The following XPNPEP2 variants were observed in gnomAD, a reference collection of about 807,000 sequenced individuals.
XPNPEP2 encodes xaa-Pro aminopeptidase 2.
In XPNPEP2, 64 loss-of-function variants were observed where a neutral mutation model predicts 59.8. The ratio of observed to expected loss-of-function variants is 1.07; its 90% CI spans 0.87 to 1.32. The LOEUF (loss-of-function observed/expected upper bound fraction) is 1.32. XPNPEP2 is among the 40% of genes most tolerant of loss of function. The pLI is 0.00. For synonymous variants in XPNPEP2, 235 were observed against 210.0 expected, an observed-to-expected ratio of 1.12 and a Z score of -1.03; for missense variants, 575 against 546.8, an observed-to-expected ratio of 1.05 and a Z score of -0.51.
At chrX:129,751,110 C>CCG (rs1569476449) in intron 8 of XPNPEP2, among the ~76,000 whole-genome samples, 1 of 84,968 alleles carries the variant, frequency 1.2e-5, no homozygotes, top group African/African-American at 4.1e-5. Flanking sequence ...CCCCACCCCC[C>CCG]CCCCCCGGCA....
intron 14 of XPNPEP2, among the ~76,000 whole-genome samples, chrX:129,757,300 C>T (rs1443280735): frequency 3.7e-5 from 4 of 108,821 alleles, no homozygotes; most frequent in African/African-American, 1.3e-4. Context: ...AATGTCCCTG[C>T]CTGGCCACAC....
chrX:129,753,155 A>G lies in XPNPEP2; in HGVS notation c.1018-4A>G. 2 of 1,207,703 alleles carry G rather than the reference A, an allele frequency of 1.7e-6. No homozygotes were observed. Among genetic ancestry groups the G allele is most frequent in the Non-Finnish European group, 1.1e-6 (1 of 893,689 alleles). ...CCTCCTTTTCTCCTCCCTGCCCCCA[A>G]CAGGAGAAACTCGTGACAGACACCT... On this transcript the variant is annotated splice_polypyrimidine_tract_variant and splice_region_variant and intron_variant, in intron 10 of 20. Coordinates refer to ENST00000371106, the MANE Select transcript of XPNPEP2 (RefSeq NM_003399.6).
intron 2 of XPNPEP2, among the ~76,000 whole-genome samples, chrX:129,743,234 CAAACGG>C (rs1158979765): frequency 2.7e-5 from 3 of 112,438 alleles, no homozygotes; most frequent in African/African-American, 9.7e-5. Flanking sequence ...CAAAACAGCA[CAAACGG>C]AAACATGCTT....
At chrX:129,744,297 T>C (rs998289072) in intron 3 of XPNPEP2, among the ~76,000 whole-genome samples, 1 of 111,968 alleles carries the variant, frequency 8.9e-6, no homozygotes, top group African/African-American at 3.3e-5. Flanking sequence ...GAAATTAAAC[T>C]ATAAACAACT....
chrX:129,760,982 C>T (rs777319178), intron 16 of XPNPEP2, among the ~76,000 whole-genome samples, 190 bp from the exon 17 acceptor site: 8 of 112,098 alleles, frequency 7.1e-5, no homozygotes, highest in Non-Finnish European at 1.5e-4. Flanking sequence ...GCTGGTCTGG[C>T]GAGGGAACCA....
chrX:129,762,770 G>A lies in XPNPEP2; in HGVS notation c.1740G>A (p.Lys580=). The change falls in exon 19 of 21, where the codon AAG becomes AAA. Residue 580 remains lysine, a splice_region_variant and synonymous_variant. Coordinates refer to ENST00000371106, the MANE Select transcript of XPNPEP2 (RefSeq NM_003399.6). ...CTCTCGTGGTAGAAGCAAAGACCAA[G>A]GTAAACTGCCACCAGGATGGGCTGG... is the stretch of plus-strand genomic sequence containing the variant. ...DVALVVEAKT[K]YPGSYLTFEV... The A allele has an allele frequency of 1.7e-6, 2 of 1,210,003 alleles. No homozygotes were observed. Among genetic ancestry groups the A allele is most frequent in the Non-Finnish European group, 2.2e-6 (2 of 893,700 alleles).
intron 6 of XPNPEP2, 83 bp downstream of exon 6, chrX:129,746,764 G>C (rs574197281): frequency 2.3e-6 from 2 of 870,537 alleles, no homozygotes; most frequent in East Asian, 3.1e-5. Context: ...AATGGACCTT[G>C]GTAGAAGGAG....
chrX:129,745,882 G>A (rs772683803), intron 4 of XPNPEP2, among the ~76,000 whole-genome samples: 13 of 111,071 alleles, frequency 1.2e-4, no homozygotes, highest in Non-Finnish European at 2.3e-4. Flanking sequence ...TTGCCCAGCA[G>A]TCCTCAGCTG....
At chrX:129,741,154 T>G in intron 1 of XPNPEP2, among the ~76,000 whole-genome samples, 1 of 81,838 alleles carries the variant, frequency 1.2e-5, no homozygotes, top group Non-Finnish European at 2.2e-5. Context: ...GCTTAGGAGA[T>G]GGTTGCTCAA....
chrX:129,754,728 G>C (rs1197203453), intron 12 of XPNPEP2, 147 bp downstream of exon 12: 4 of 545,934 alleles, frequency 7.3e-6, no homozygotes, highest in Non-Finnish European at 1.2e-5. Flanking sequence ...AGAACAAGGA[G>C]TGACAGGTTC....
rs752092311 is a variant in XPNPEP2, at chrX:129,757,073, T to TAC, written c.1367+536_1367+537dup. On this transcript the variant is annotated intron_variant, in intron 14 of 20. Transcript: ENST00000371106. ...ACACACACATATATATACACACACATACACACACACACACACACATATATA... is the reference window on the plus strand; with the variant it reads ...ACACACACATATATATACACACACATACACACACACACACACACACATATATA... Among the ~76,000 whole-genome samples, 244 of 83,676 alleles carry TAC rather than the reference T, an allele frequency of 2.9e-3. 1 individual carries two copies. The highest frequency in any genetic ancestry group is 0.02 in the Middle Eastern group (3 of 149). 72.7% of individuals were successfully genotyped at this position (83,676 alleles called of 115,157 possible). A position where few individuals can be genotyped will look rare whatever the true frequency, so the allele number is the denominator to read the frequency against.
rs537090700 is a variant in XPNPEP2, at chrX:129,742,796, G to A, written c.123+615G>A. 3.9e-4 allele frequency among the ~76,000 whole-genome samples: 44 copies of A among 112,081 alleles called. No individual in the cohort carries two copies. In the South Asian group the frequency reaches 0.016, roughly 40 times the overall value. On this transcript the variant is annotated intron_variant, in intron 2 of 20. Transcript: ENST00000371106. Reference sequence around the variant, plus strand: ...GGGTGCCTGTAATCCCCGCTACTCAGGAGGCTAAGGCAGAAGAATTGCTTG... The same window carrying A: ...GGGTGCCTGTAATCCCCGCTACTCAAGAGGCTAAGGCAGAAGAATTGCTTG...
intron 19 of XPNPEP2, among the ~76,000 whole-genome samples, chrX:129,763,418 AGCACTCTG>A (rs1926692962): frequency 8.9e-6 from 1 of 112,561 alleles, no homozygotes; most frequent in Non-Finnish European, 1.9e-5. Context: ...CTGTAATCCC[AGCACTCTG>A]GGAGGCCAAG....
intron 11 of XPNPEP2, among the ~76,000 whole-genome samples, chrX:129,753,558 G>A (rs983789995): frequency 3.6e-5 from 4 of 111,020 alleles, no homozygotes; most frequent in African/African-American, 6.6e-5. Flanking sequence ...CACGAGAATC[G>A]CTTGAACCTG....
At position 129,744,053 on chromosome X, in the gene XPNPEP2, A is replaced by T. The variant is rs181471295; in HGVS notation, c.216A>T (p.Pro72=). 8.3e-7 allele frequency: 1 copy of T among 1,209,177 alleles called. No homozygotes were observed. The highest frequency in any genetic ancestry group is 3.0e-5 in the East Asian group (1 of 33,775). The change falls in exon 3 of 21, where the codon CCA becomes CCT. Residue 72 remains proline, a synonymous_variant. Transcript: ENST00000371106. ...QTQNLSAYII[P]GTDAHMNEYI... is the part of the protein sequence containing the mutation. ...AGAATCTCTCAGCCTACATCATCCC[A>T]GGCACAGATGCTCACATGGTAAGAG...
chrX:129,758,082 G>A (rs758150515), intron 14 of XPNPEP2, among the ~76,000 whole-genome samples: 4 of 111,300 alleles, frequency 3.6e-5, no homozygotes, highest in Non-Finnish European at 5.7e-5. Flanking sequence ...TGTGGGAAGC[G>A]TGGGGTGGGA....
chrX:129,756,279 T>C (rs1347381826), intron 13 of XPNPEP2, among the ~76,000 whole-genome samples: 1 of 111,465 alleles, frequency 9.0e-6, no homozygotes, highest in Non-Finnish European at 1.9e-5. Context: ...AGGGCCTGGC[T>C]CAGCCAGGTG....
At chrX:129,754,674 G>A (rs1032699834) in intron 12 of XPNPEP2, 93 bp downstream of exon 12, 2 of 856,690 alleles carry the variant, frequency 2.3e-6, no homozygotes, top group African/African-American at 4.1e-5. Flanking sequence ...TTAGCAGAAA[G>A]GAAGATCCTC....
rs753003699 is a variant in XPNPEP2, at chrX:129,753,367, G to A, written c.1107+119G>A. The A allele has an allele frequency of 1.9e-4, 132 of 696,951 alleles. No homozygotes were observed. The African/African-American group carries it at 2.5e-3, about 13-fold the overall frequency. 57.4% of individuals were successfully genotyped at this position (696,951 alleles called of 1,213,427 possible). On this transcript the variant is annotated intron_variant, in intron 11 of 20. Transcript: ENST00000371106. ...TCAATGAAACAAAGAAGCAAGCTGG[G>A]CGCGGTGGCTCACGCCTGTAATCCT... is the stretch of plus-strand genomic sequence containing the variant.
Sources: gnomAD v4.1 joint callset for allele counts (sites outside exome capture counted in the v4.1 genomes callset) on GRCh38, gnomAD v4.1.1 for gene constraint, MANE v1.5 for transcripts, NCBI Gene and HGNC (gene_info 2026-07-23, HGNC 2026-07-21) for gene names.